Variants in FBXW7 observed in about 807,000 individuals in gnomAD.
The protein encoded by FBXW7 is F-box/WD repeat-containing protein 7.
In FBXW7, 11 loss-of-function variants were observed where a neutral mutation model predicts 86.3. The observed-to-expected ratio is 0.13, with a 90% CI of 0.08 to 0.21. FBXW7 has a LOEUF of 0.21. Among genes scored for constraint, FBXW7 ranks in the 10% least tolerant of loss-of-function variants. The pLI is 1.00. For synonymous variants in FBXW7, 313 were observed against 297.9 expected (o/e 1.05, Z -0.52); for missense variants, 488 against 847.4 (o/e 0.58, Z 5.27).
At chr4:152,499,155 C>G (rs369828027) in intron 2 of FBXW7, among the ~76,000 whole-genome samples, 8 of 152,150 alleles carry the variant, frequency 5.3e-5, no homozygotes, top group African/African-American at 1.9e-4. Context: ...ACCATGAAAG[C>G]TGAGCCTAGG....
rs541697440 is a variant in FBXW7 at position 152,495,875 on chromosome 4, T to C, written c.-120+39066A>G. ...TGCATGAGGTATCCAAGAGAATCTA[T>C]CATTAGAAGTAAGAGTTTAGGCCAG... On this transcript the variant is annotated intron_variant, in intron 2 of 13. Coordinates refer to ENST00000281708, the MANE Select transcript of FBXW7 (RefSeq NM_001349798.2). Among the ~76,000 whole-genome samples the C allele has an allele frequency of 1.1e-4, 16 of 152,336 alleles. No individual in the cohort carries two copies. In the East Asian group the frequency reaches 3.1e-3, roughly 29 times the overall value.
intron 2 of FBXW7, among the ~76,000 whole-genome samples, chr4:152,432,411 A>G (rs1369082329): frequency 6.6e-6 from 1 of 152,222 alleles, no homozygotes; most frequent in South Asian, 2.1e-4. Context: ...ATTTGCCTTC[A>G]ATTAATATGT....
intron 2 of FBXW7, among the ~76,000 whole-genome samples, chr4:152,430,237 G>A (rs932247365): frequency 2.0e-5 from 3 of 152,158 alleles, no homozygotes; most frequent in Admixed American, 6.5e-5. Flanking sequence ...AATTCAAGTT[G>A]TGGCCAACCA....
chr4:152,501,366 A>G (rs1746932911), intron 2 of FBXW7, among the ~76,000 whole-genome samples: 1 of 152,132 alleles, frequency 6.6e-6, no homozygotes, highest in African/African-American at 2.4e-5. Flanking sequence ...TTATATTCTC[A>G]TATCATGAGA....
At chr4:152,328,548 T>C (rs747575560) in intron 10 of FBXW7, 159 bp from the exon 11 acceptor site, 25 of 475,722 alleles carry the variant, frequency 5.3e-5, no homozygotes, top group Non-Finnish European at 8.7e-5. Flanking sequence ...TCACTATTTA[T>C]TGTTTTGTTT....
At chr4:152,375,360 A>G (rs1734405591) in intron 4 of FBXW7, among the ~76,000 whole-genome samples, 1 of 152,162 alleles carries the variant, frequency 6.6e-6, no homozygotes, top group African/African-American at 2.4e-5. Context: ...CTCCATATAA[A>G]AAATATGTTG....
At chr4:152,384,228 T>C (rs1735337548) in intron 4 of FBXW7, among the ~76,000 whole-genome samples, 1 of 152,136 alleles carries the variant, frequency 6.6e-6, no homozygotes, top group African/African-American at 2.4e-5. Context: ...GATACCTGTA[T>C]ACACATGCTT....
chr4:152,443,214 A>G (rs1741069752), intron 2 of FBXW7, among the ~76,000 whole-genome samples: 1 of 152,196 alleles, frequency 6.6e-6, no homozygotes, highest in Non-Finnish European at 1.5e-5. Context: ...GTGAGCCGAA[A>G]TCGCACCATT....
intron 2 of FBXW7, among the ~76,000 whole-genome samples, chr4:152,459,737 T>C (rs1213123621): frequency 6.6e-6 from 1 of 152,136 alleles, no homozygotes; most frequent in East Asian, 1.9e-4. Flanking sequence ...ATCTGTAAAT[T>C]GGGCAAAGTA....
At chr4:152,408,920 T>C (rs1007037826) in intron 4 of FBXW7, among the ~76,000 whole-genome samples, 27 of 152,274 alleles carry the variant, frequency 1.8e-4, no homozygotes, top group African/African-American at 6.5e-4. Flanking sequence ...GACTACCACT[T>C]CCCTTGACTT....
chr4:152,453,463 C>T (rs1180091043), intron 2 of FBXW7, among the ~76,000 whole-genome samples: 1 of 152,158 alleles, frequency 6.6e-6, no homozygotes, highest in Non-Finnish European at 1.5e-5. Flanking sequence ...TCAGCACCTA[C>T]CACATGCTAT....
At chr4:152,335,250 C>T (rs540853444) in intron 7 of FBXW7, among the ~76,000 whole-genome samples, 1 of 152,244 alleles carries the variant, frequency 6.6e-6, no homozygotes, top group East Asian at 1.9e-4. Flanking sequence ...TTGGAGTCCT[C>T]ATGAATGGAA....
rs1728556989 is a variant in FBXW7, at chr4:152,321,509, T to G, written c.*1372A>C. 4.3e-6 allele frequency: 1 copy of G among 233,048 alleles called. No individual in the cohort carries two copies. The highest frequency in any genetic ancestry group is 8.5e-6 in the Non-Finnish European group (1 of 117,708). 14.4% of individuals were successfully genotyped at this position (233,048 alleles called of 1,614,324 possible). A position where few individuals can be genotyped will look rare whatever the true frequency, so the allele number is the denominator to read the frequency against. On this transcript the variant is annotated 3_prime_UTR_variant, in exon 14 of 14. Transcript: ENST00000281708. ...GTTAAACCACTTTCACAGTTCAGCT[T>G]GAGTTGTGGCTCTTGGAGAATGAGG...
At chr4:152,463,810 T>C (rs1039202685) in intron 2 of FBXW7, among the ~76,000 whole-genome samples, 1 of 152,142 alleles carries the variant, frequency 6.6e-6, no homozygotes, top group African/African-American at 2.4e-5. Flanking sequence ...CAAAATGATG[T>C]GTAATGAAAA....
chr4:152,327,253 A>G (rs1375891585), intron 11 of FBXW7, among the ~76,000 whole-genome samples: 1 of 152,086 alleles, frequency 6.6e-6, no homozygotes, highest in African/African-American at 2.4e-5. Context: ...AGTATAGCAC[A>G]CTGTTCAAAG....
At chr4:152,367,510 CA>C (rs1194707510) in intron 4 of FBXW7, among the ~76,000 whole-genome samples, 18 of 152,114 alleles carry the variant, frequency 1.2e-4, no homozygotes, top group African/African-American at 4.3e-4. Flanking sequence ...ACTAAGATCC[CA>C]CTAAAATACT....
intron 2 of FBXW7, among the ~76,000 whole-genome samples, chr4:152,519,319 TAAAGAAAG>T (rs1196184828): frequency 2.7e-5 from 4 of 149,882 alleles, no homozygotes; most frequent in Non-Finnish European, 5.9e-5. Flanking sequence ...AATAAATAAA[TAAAGAAAG>T]AAAGAAAGAA....
intron 2 of FBXW7, among the ~76,000 whole-genome samples, chr4:152,422,723 G>C (rs566164991): frequency 6.6e-6 from 1 of 152,206 alleles, no homozygotes; most frequent in East Asian, 1.9e-4. Flanking sequence ...AGCGAGCCCA[G>C]AAGCTCCTCC....
At chr4:152,464,333 G>C (rs756592424) in intron 2 of FBXW7, among the ~76,000 whole-genome samples, 2 of 152,086 alleles carry the variant, frequency 1.3e-5, no homozygotes, top group Non-Finnish European at 2.9e-5. Context: ...AAAAATAGTA[G>C]AGGAAAGAAG....
Sources: gnomAD v4.1 joint callset for allele counts (sites outside exome capture counted in the v4.1 genomes callset) on GRCh38, gnomAD v4.1.1 for gene constraint, MANE v1.5 for transcripts, NCBI Gene and HGNC (gene_info 2026-07-23, HGNC 2026-07-21) for gene names.